Variants in NUP98 observed in about 807,000 individuals in gnomAD.
NUP98 encodes the protein nucleoporin 98 and 96 precursor.
A neutral mutation model predicts 191.9 loss-of-function variants in NUP98; 26 were observed. That is an observed-to-expected ratio of 0.14 (90% CI 0.10 to 0.19). The LOEUF is 0.19. Among genes scored for constraint, NUP98 ranks in the 10% least tolerant of loss-of-function variants. The pLI, the probability that NUP98 is intolerant of heterozygous loss-of-function variation, is 1.00. For synonymous variants in NUP98, 808 were observed against 778.4 expected (o/e 1.04, Z -0.63); for missense variants, 1,941 against 2,178.8 (o/e 0.89, Z 2.17).
chr11:3,741,158 A>C (rs1468897988), intron 12 of NUP98, among the ~76,000 whole-genome samples: 1 of 152,048 alleles, frequency 6.6e-6, no homozygotes. Context: ...AAGGACCACC[A>C]AGCACTAAAG....
At chr11:3,740,811 T>C (rs1015898553) in intron 12 of NUP98, among the ~76,000 whole-genome samples, 1 of 149,260 alleles carries the variant, frequency 6.7e-6, no homozygotes, top group East Asian at 1.9e-4. Flanking sequence ...TAAATATAAA[T>C]ATATATATAT....
At chr11:3,737,635 A>G (rs1433033536) in intron 12 of NUP98, among the ~76,000 whole-genome samples, 1 of 152,164 alleles carries the variant, frequency 6.6e-6, no homozygotes, top group Non-Finnish European at 1.5e-5. Context: ...TCAAAAACAA[A>G]CAAACAAACA....
In NUP98 at chr11:3,702,731, T is replaced by TGGGCA; in HGVS notation, c.3239_3243dup (p.Ser1082CysfsTer10). ...TTCAACGGAACCTCAGGGGCTGGGC[T>TGGGCA]GGGCATTGTGAACACAGAAGTCAGG... On this transcript the variant is annotated frameshift_variant, in exon 23 of 33. Coordinates refer to ENST00000324932, the MANE Select transcript of NUP98 (RefSeq NM_016320.5). LOFTEE classifies it high-confidence loss of function. 6.2e-7 allele frequency: 1 copy of TGGGCA among 1,614,152 alleles called. No homozygotes were observed. The highest frequency in any genetic ancestry group is 8.5e-7 in the Non-Finnish European group (1 of 1,180,026).
At chr11:3,790,131 T>C (rs2082285372) in intron 1 of NUP98, among the ~76,000 whole-genome samples, 2 of 152,178 alleles carry the variant, frequency 1.3e-5, no homozygotes, top group South Asian at 4.1e-4. Context: ...GTAAGCTCTG[T>C]GTCAAACGAA....
chr11:3,754,381 G>A (rs985111955), intron 10 of NUP98, among the ~76,000 whole-genome samples: 16 of 152,222 alleles, frequency 1.1e-4, no homozygotes, highest in Non-Finnish European at 2.2e-4. Context: ...AGCCAAGATC[G>A]TGCCACTGCA....
At chr11:3,754,211 G>A (rs1218091130) in intron 10 of NUP98, among the ~76,000 whole-genome samples, 1 of 151,562 alleles carries the variant, frequency 6.6e-6, no homozygotes, top group Non-Finnish European at 1.5e-5. Context: ...GGCGGATCAT[G>A]AGGTCAAGAG....
At chr11:3,771,088 C>T (rs2081516764) in intron 7 of NUP98, among the ~76,000 whole-genome samples, 1 of 152,194 alleles carries the variant, frequency 6.6e-6, no homozygotes. Flanking sequence ...GTCTTGAACT[C>T]CTGACCTCAA....
chr11:3,760,272 T>C (rs2081121359), intron 10 of NUP98: 1 of 500,426 alleles, frequency 2.0e-6, no homozygotes. Context: ...TTCTCAGCTA[T>C]TGCTGAAGTA....
chr11:3,712,313 C>A, intron 20 of NUP98: 1 of 1,283,392 alleles, frequency 7.8e-7, no homozygotes, highest in Non-Finnish European at 9.8e-7. Flanking sequence ...TGAGAGAGAA[C>A]AAAGGGTTTA....
At chr11:3,768,874 C>T (rs1446336777) in intron 7 of NUP98, 130 bp from the exon 8 acceptor site, 3 of 595,674 alleles carry the variant, frequency 5.0e-6, no homozygotes, top group Non-Finnish European at 7.8e-6. Flanking sequence ...TCATTCACTA[C>T]TTGATCATCT....
At chr11:3,785,317 A>C (rs997996661) in intron 1 of NUP98, among the ~76,000 whole-genome samples, 18 of 152,186 alleles carry the variant, frequency 1.2e-4, no homozygotes, top group South Asian at 2.1e-4. Flanking sequence ...CCCTCTATCT[A>C]TCTCTCTTCT....
chr11:3,713,692 C>T (rs2079087931), intron 19 of NUP98, 126 bp downstream of exon 19: 5 of 915,410 alleles, frequency 5.5e-6, no homozygotes, highest in South Asian at 5.4e-5. Flanking sequence ...GTACTCCAGC[C>T]TGAGCAACAG....
chr11:3,687,183 T>C (rs1251639917), intron 28 of NUP98, among the ~76,000 whole-genome samples: 1 of 152,238 alleles, frequency 6.6e-6, no homozygotes, highest in Non-Finnish European at 1.5e-5. Context: ...ATCGTCCCAC[T>C]TCAGCGTCAC....
intron 20 of NUP98, among the ~76,000 whole-genome samples, chr11:3,708,485 A>T (rs1229665654): frequency 6.6e-6 from 1 of 152,170 alleles, no homozygotes; most frequent in East Asian, 1.9e-4. Flanking sequence ...GGTTTTATTT[A>T]TTCTATTCAC....
intron 11 of NUP98, among the ~76,000 whole-genome samples, chr11:3,746,269 CAAAAAAA>C (rs66773761): frequency 8.8e-5 from 3 of 33,926 alleles, no homozygotes; most frequent in South Asian, 1.2e-3. Flanking sequence ...AACTTTATCT[CAAAAAAA>C]AAAAAAAAAA....
At chr11:3,702,307 ACACACACTCTCT>A (rs1184341947) in intron 23 of NUP98, among the ~76,000 whole-genome samples, 144 bp downstream of exon 23, 29 of 57,938 alleles carry the variant, frequency 5.0e-4, no homozygotes, top group Admixed American at 8.0e-4. Context: ...ACACACACAC[ACACACACTCTCT>A]CTCTCTCTCT....
chr11:3,678,620 T>G (rs2077890081), intron 31 of NUP98, among the ~76,000 whole-genome samples: 1 of 152,226 alleles, frequency 6.6e-6, no homozygotes, highest in Non-Finnish European at 1.5e-5. Flanking sequence ...GTGTGGAACA[T>G]AATATGGTTT....
At chr11:3,764,476 C>T (rs190040528) in intron 8 of NUP98, among the ~76,000 whole-genome samples, 5 of 152,308 alleles carry the variant, frequency 3.3e-5, no homozygotes, top group African/African-American at 4.8e-5. Context: ...TGGGTCATAT[C>T]GTAACTCTGT....
Position 3,713,838 on chromosome 11 carries a change from T to C in NUP98, c.2557A>G (p.Thr853Ala). The C allele has an allele frequency of 1.2e-6, 2 of 1,614,024 alleles. No homozygotes were observed. Among genetic ancestry groups the C allele is most frequent in the South Asian group, 2.2e-5 (2 of 91,068 alleles). ...TATACCTTAAACACCCAAGAACCAG[T>C]TTCAGGCCGGTATTCTTTGAATTGA... is the stretch of plus-strand genomic sequence containing the variant. ...GAQFKEYRPE[T>A]GSWVFKVSHF... The change falls in exon 19 of 33, where the codon ACT becomes GCT. Residue 853 changes from threonine to alanine, a missense_variant. By Grantham distance (58) the Thr-to-Ala change is moderately conservative. Around this residue, in one of 6 missense-constraint regions of NUP98, gnomAD observed 95 missense variants for 139.7 expected, o/e 0.68. Transcript: ENST00000324932.
Sources: allele counts gnomAD v4.1 joint callset (sites outside exome capture counted in the v4.1 genomes callset), GRCh38; gene constraint gnomAD v4.1.1; regional missense constraint gnomAD v4.1.1; transcripts MANE v1.5; gene names NCBI Gene and HGNC (gene_info 2026-07-23, HGNC 2026-07-21).